The following RPSA2 variants were observed in gnomAD, a reference collection of about 807,000 sequenced individuals.
The protein encoded by RPSA2 is small ribosomal subunit protein uS2B.
chr19:23,858,503 G>T, the RPSA2 span, among the ~76,000 whole-genome samples: 1 of 152,166 alleles, frequency 6.6e-6, no homozygotes, highest in Non-Finnish European at 1.5e-5. Context: ...GTAGATACAG[G>T]AGTTAGAAAT....
chr19:23,847,095 G>A, the RPSA2 span, among the ~76,000 whole-genome samples: 1 of 151,710 alleles, frequency 6.6e-6, no homozygotes, highest in East Asian at 1.9e-4. Flanking sequence ...TATTTTAAAA[G>A]ACCTGTTTAA....
the RPSA2 span, among the ~76,000 whole-genome samples, chr19:23,855,311 G>C: frequency 6.6e-6 from 1 of 152,146 alleles, no homozygotes; most frequent in African/African-American, 2.4e-5. Flanking sequence ...AACAGTTTTT[G>C]CCAAAATGTC....
At chr19:23,822,864 C>A in the RPSA2 span, among the ~76,000 whole-genome samples, 1 of 152,150 alleles carries the variant, frequency 6.6e-6, no homozygotes, top group Non-Finnish European at 1.5e-5. Flanking sequence ...TCCTGTCTTT[C>A]CTGTGGCTTT....
chr19:23,846,838 T>C, the RPSA2 span, among the ~76,000 whole-genome samples: 1 of 152,222 alleles, frequency 6.6e-6, no homozygotes, highest in African/African-American at 2.4e-5. Flanking sequence ...ATGTGCCATA[T>C]TGAGGTCTGT....
chr19:23,864,869 A>G, the RPSA2 span, among the ~76,000 whole-genome samples: 11 of 152,274 alleles, frequency 7.2e-5, no homozygotes, highest in African/African-American at 2.4e-4. Context: ...TAAGTCAAGC[A>G]GATGACTGAC....
chr19:23,773,562 G>A, the RPSA2 span, among the ~76,000 whole-genome samples: 3 of 152,274 alleles, frequency 2.0e-5, no homozygotes, highest in East Asian at 1.9e-4. Flanking sequence ...GATTACAGGC[G>A]TGAGCCACCA....
the RPSA2 span, among the ~76,000 whole-genome samples, chr19:23,804,714 T>A: frequency 6.6e-6 from 1 of 152,166 alleles, no homozygotes; most frequent in African/African-American, 2.4e-5. Context: ...AGAATCGTAT[T>A]ACATAGAGTG....
the RPSA2 span, among the ~76,000 whole-genome samples, chr19:23,847,139 C>G: frequency 2.7e-5 from 4 of 150,288 alleles, no homozygotes; most frequent in African/African-American, 9.7e-5. Flanking sequence ...CTGTTTCAGT[C>G]TATTATTGAA....
chr19:23,785,486 C>T, the RPSA2 span, among the ~76,000 whole-genome samples: 1,767 of 152,216 alleles, frequency 0.012, 37 homozygotes, highest in African/African-American at 0.04. Context: ...GCCCAGGTAC[C>T]AGACAATGTG....
chr19:23,870,581 A>C, the RPSA2 span, among the ~76,000 whole-genome samples: 4 of 152,194 alleles, frequency 2.6e-5, no homozygotes, highest in South Asian at 2.1e-4. Context: ...CTTCTTTAGA[A>C]GCCTGGACTG....
the RPSA2 span, among the ~76,000 whole-genome samples, chr19:23,791,818 C>T: frequency 6.6e-6 from 1 of 150,534 alleles, no homozygotes; most frequent in Non-Finnish European, 1.5e-5. Context: ...TGGCTCACTG[C>T]AACCTCCACC....
At chr19:23,758,755 G>A in the RPSA2 span, 1 of 1,614,224 alleles carries the variant, frequency 6.2e-7, no homozygotes, top group South Asian at 1.1e-5. Flanking sequence ...ACCATTTCTA[G>A]GTTTCCGGGG....
chr19:23,759,844 A>G, the RPSA2 span, among the ~76,000 whole-genome samples: 4 of 152,106 alleles, frequency 2.6e-5, no homozygotes, highest in African/African-American at 7.2e-5. Context: ...TTTTAAAACC[A>G]TAAATAAACA....
chr19:23,859,573 G>T, the RPSA2 span, among the ~76,000 whole-genome samples: 1 of 152,024 alleles, frequency 6.6e-6, no homozygotes, highest in Non-Finnish European at 1.5e-5. Context: ...GTTGCGGTCA[G>T]CTGAGCTCAC....
At chr19:23,852,792 C>A in the RPSA2 span, among the ~76,000 whole-genome samples, 22 of 152,142 alleles carry the variant, frequency 1.4e-4, no homozygotes, top group Admixed American at 1.4e-3. Flanking sequence ...CAATAGTTAC[C>A]CAAAAGTTTT....
the RPSA2 span, among the ~76,000 whole-genome samples, chr19:23,772,095 A>G: frequency 2.6e-5 from 4 of 152,314 alleles, no homozygotes; most frequent in Admixed American, 2.6e-4. Flanking sequence ...CTCTGCCCAC[A>G]GGGACATTGT....
At chr19:23,826,974 A>G in the RPSA2 span, 39 of 597,276 alleles carry the variant, frequency 6.5e-5, 1 homozygote, top group South Asian at 7.1e-4. Flanking sequence ...ACAGGTGTGA[A>G]CCACCGTGCC....
chr19:23,761,921 T>TTTCTTTCTTTC, the RPSA2 span, among the ~76,000 whole-genome samples: 2 of 76,196 alleles, frequency 2.6e-5, no homozygotes, highest in African/African-American at 1.0e-4. Flanking sequence ...TCTTTCTTTC[T>TTTCTTTCTTTC]TTTTTTTTTT....
the RPSA2 span, among the ~76,000 whole-genome samples, chr19:23,795,686 C>T: frequency 6.6e-6 from 1 of 152,056 alleles, no homozygotes; most frequent in Non-Finnish European, 1.5e-5. Flanking sequence ...ATTGCTCTGA[C>T]CAGGACTTCC....
Sources: allele counts gnomAD v4.1 joint callset (sites outside exome capture counted in the v4.1 genomes callset), GRCh38; gene constraint gnomAD v4.1.1; transcripts MANE v1.5; gene names NCBI Gene and HGNC (gene_info 2026-07-23, HGNC 2026-07-21).